MRTFA: variants seen among roughly 807,000 people sequenced by gnomAD.
MRTFA encodes myocardin-related transcription factor A.
A neutral mutation model predicts 83.5 loss-of-function variants in MRTFA; 20 were observed. That is an observed-to-expected ratio of 0.24 (90% confidence interval 0.17 to 0.35). MRTFA has a LOEUF of 0.35. MRTFA is among the 10% of genes least tolerant of loss of function. The pLI is 1.00. For synonymous variants in MRTFA, 659 were observed against 541.2 expected, an observed-to-expected ratio of 1.22 and a Z score of -3.02; for missense variants, 1,200 against 1,224.7, an observed-to-expected ratio of 0.98 and a Z score of 0.30.
intron 2 of MRTFA, among the ~76,000 whole-genome samples, chr22:40,576,370 T>C (rs530054395): frequency 2.2e-4 from 34 of 152,336 alleles, no homozygotes; most frequent in Non-Finnish European, 3.1e-4. Context: ...TCTCAGTATA[T>C]GAATGAAATT....
chr22:40,582,467 C>G (rs995820890), intron 2 of MRTFA, among the ~76,000 whole-genome samples: 1 of 152,130 alleles, frequency 6.6e-6, no homozygotes, highest in Admixed American at 6.5e-5. Flanking sequence ...GGTAATTCTA[C>G]GTTATGCTAT....
chr22:40,590,719 A>G (rs1275925918), intron 2 of MRTFA, among the ~76,000 whole-genome samples: 1 of 152,100 alleles, frequency 6.6e-6, no homozygotes, highest in Non-Finnish European at 1.5e-5. Context: ...GTGTATGACA[A>G]TATTCACATC....
At chr22:40,483,668 G>C (rs1015959418) in intron 3 of MRTFA, among the ~76,000 whole-genome samples, 24 of 151,498 alleles carry the variant, frequency 1.6e-4, no homozygotes, top group African/African-American at 5.8e-4. Context: ...CTGGGTGACA[G>C]AGTGAGACTG....
intron 3 of MRTFA, among the ~76,000 whole-genome samples, chr22:40,540,516 G>A (rs573929884): frequency 1.6e-4 from 25 of 152,146 alleles, no homozygotes; most frequent in Non-Finnish European, 2.4e-4. Context: ...GCCAGGCAGC[G>A]CGGTGGCTCA....
At chr22:40,545,492 G>A (rs1327332944) in intron 3 of MRTFA, among the ~76,000 whole-genome samples, 2 of 151,388 alleles carry the variant, frequency 1.3e-5, no homozygotes, top group Non-Finnish European at 2.9e-5. Flanking sequence ...GTGCAGTGGC[G>A]CTATCTCCCG....
rs575094385 is a variant in MRTFA at position 40,456,991 on chromosome 22, A to G, written c.307+6230T>C. ...GATTCACATGTACTCAGGAAAAAGA[A>G]TGTTGAAACCTAGGTTGCATATTTG... On this transcript the variant is annotated intron_variant, in intron 4 of 14. Coordinates refer to ENST00000355630, the MANE Select transcript of MRTFA (RefSeq NM_020831.6). Among the ~76,000 whole-genome samples the G allele has an allele frequency of 2.0e-5, 3 of 152,336 alleles. No individual in the cohort carries two copies. The South Asian group carries it at 6.2e-4, about 32-fold the overall frequency.
At chr22:40,538,578 A>AG (rs2055230493) in intron 3 of MRTFA, among the ~76,000 whole-genome samples, 1 of 12,482 alleles carries the variant, frequency 8.0e-5, no homozygotes, top group Non-Finnish European at 1.8e-4. Context: ...AAAATAAATT[A>AG]AAAAAAAAAT....
At chr22:40,451,432 C>T (rs1485953296) in intron 4 of MRTFA, among the ~76,000 whole-genome samples, 1 of 152,174 alleles carries the variant, frequency 6.6e-6, no homozygotes, top group African/African-American at 2.4e-5. Context: ...TTTTGGTATG[C>T]ACGCTTGCCA....
rs2054508600 is a variant in MRTFA, at chr22:40,502,480, G to T, written c.242-39194C>A. ...AGACGATGGGCGGCCGGGCAGAGAC[G>T]CTCCTCACTTCCTAGATGTGATGGC... On this transcript the variant is annotated intron_variant, in intron 3 of 14. Coordinates refer to ENST00000355630, the MANE Select transcript of MRTFA (RefSeq NM_020831.6). Among the ~76,000 whole-genome samples the T allele has an allele frequency of 2.9e-5, 4 of 137,496 alleles. 1 individual carries two copies. The highest frequency in any genetic ancestry group is 4.7e-5 in the Non-Finnish European group (3 of 63,702). 90.2% of individuals were successfully genotyped at this position (137,496 alleles called of 152,430 possible).
At chr22:40,621,181 T>G (rs2147434252) in intron 1 of MRTFA, among the ~76,000 whole-genome samples, 1 of 149,026 alleles carries the variant, frequency 6.7e-6, no homozygotes, top group East Asian at 1.9e-4. Context: ...GACTCTGTCT[T>G]TAAAAAAAAA....
chr22:40,429,658 C>T lies in MRTFA; in HGVS notation c.549G>A (p.Leu183=), dbSNP rs765020058. ...CAACAGGAAGGATGTTCTTCTCCACCAGCTCCATGGGGCCAGGCCTCTGTG... is the reference window on the plus strand; with the variant it reads ...CAACAGGAAGGATGTTCTTCTCCACTAGCTCCATGGGGCCAGGCCTCTGTG... Residue 183 remains leucine (L), a synonymous_variant, in exon 7 of 15, where the codon CTG becomes CTA. Transcript: ENST00000355630. The T allele has an allele frequency of 5.0e-6, 8 of 1,614,128 alleles. No individual in the cohort carries two copies. The highest frequency in any genetic ancestry group is 4.4e-5 in the South Asian group (4 of 91,078).
intron 4 of MRTFA, among the ~76,000 whole-genome samples, chr22:40,451,946 T>G (rs1489482546): frequency 4.2e-5 from 6 of 144,142 alleles, no homozygotes; most frequent in African/African-American, 1.5e-4. Flanking sequence ...GCAAATAACA[T>G]CCCACCTGGC....
At position 40,410,810 on chromosome 22, in the gene MRTFA, T is replaced by C. The variant is rs2052500856; in HGVS notation, c.*580A>G. 4.3e-6 allele frequency: 1 copy of C among 232,464 alleles called. No homozygotes were observed. The highest frequency in any genetic ancestry group is 5.6e-5 in the Admixed American group (1 of 17,762). The allele number at this position is 232,464 out of a possible 1,614,324, so 14.4% of individuals were successfully genotyped here. A position where few individuals can be genotyped will look rare whatever the true frequency, so the allele number is the denominator to read the frequency against. The stretch of plus-strand genomic sequence containing the variant: ...CCAAAAATATATATGTATGTCGATA[T>C]ATAATATAGAGGTATATACACCTGT... On this transcript the variant is annotated 3_prime_UTR_variant, in exon 15 of 15. Coordinates refer to ENST00000355630, the MANE Select transcript of MRTFA (RefSeq NM_020831.6).
At chr22:40,596,700 G>A (rs953322739) in intron 1 of MRTFA, among the ~76,000 whole-genome samples, 6 of 152,094 alleles carry the variant, frequency 3.9e-5, no homozygotes, top group Non-Finnish European at 7.4e-5. Context: ...CCAGGTACTC[G>A]GAGGATGACG....
chr22:40,525,664 T>C (rs539422399), intron 3 of MRTFA, among the ~76,000 whole-genome samples: 16 of 152,314 alleles, frequency 1.1e-4, no homozygotes, highest in South Asian at 6.2e-4. Flanking sequence ...GACCACACTT[T>C]GAAAACAATG....
At position 40,463,207 on chromosome 22, in the gene MRTFA, A is replaced by G; in HGVS notation, c.307+14T>C. On this transcript the variant is annotated intron_variant, in intron 4 of 14. Coordinates refer to ENST00000355630, the MANE Select transcript of MRTFA (RefSeq NM_020831.6). ...AAAGCAATCTACCAAATGCTGAGAG[A>G]GAGAGGCACTTACGCGGCATGATCC... 1 of 1,612,902 alleles carries G rather than the reference A, an allele frequency of 6.2e-7. No individual in the cohort carries two copies. The highest frequency in any genetic ancestry group is 8.5e-7 in the Non-Finnish European group (1 of 1,178,934).
intron 3 of MRTFA, among the ~76,000 whole-genome samples, chr22:40,528,019 G>C (rs993795590): frequency 2.6e-5 from 4 of 152,078 alleles, no homozygotes; most frequent in Non-Finnish European, 4.4e-5. Flanking sequence ...GTCACAGAAG[G>C]GGCAGGAAGA....
At chr22:40,427,573 C>T (rs547430005) in intron 7 of MRTFA, among the ~76,000 whole-genome samples, 1 of 152,058 alleles carries the variant, frequency 6.6e-6, no homozygotes, top group African/African-American at 2.4e-5. Context: ...CCCACTGCAG[C>T]GAAGGAGACA....
At chr22:40,533,433 AAATT>A (rs977826777) in intron 3 of MRTFA, among the ~76,000 whole-genome samples, 2 of 152,336 alleles carry the variant, frequency 1.3e-5, no homozygotes, top group Admixed American at 1.3e-4. Flanking sequence ...AATGAGAGAA[AAATT>A]AATAAAAAAC....
Sources: allele counts gnomAD v4.1 joint callset (sites outside exome capture counted in the v4.1 genomes callset), GRCh38; gene constraint gnomAD v4.1.1; transcripts MANE v1.5; gene names NCBI Gene and HGNC (gene_info 2026-07-23, HGNC 2026-07-21).